Variants in SPATA21 observed in about 807,000 individuals in gnomAD.
SPATA21 encodes the protein spermatogenesis associated 21, also known as spermatogenesis-associated protein 21.
Under a neutral mutation model 54.8 loss-of-function variants are expected in SPATA21, and 47 were observed. The observed-to-expected ratio is 0.86, with a 90% CI of 0.68 to 1.09. The LOEUF (loss-of-function observed/expected upper bound fraction) is 1.09. Among genes scored for constraint, SPATA21 ranks in the 50% least tolerant of loss-of-function variants. The pLI, the probability that SPATA21 is intolerant of heterozygous loss-of-function variation, is 0.00. For missense variants in SPATA21, 599 were observed against 596.4 expected (o/e 1.00, Z -0.05); for synonymous variants, 245 against 235.3 (o/e 1.04, Z -0.38).
Position 16,428,514 on chromosome 1 carries a change from C to T in SPATA21, c.34+2824G>A, listed in dbSNP as rs562235520. ...AAGCGATTCTTGTGCCTCAGCTTCCCGAGTAGGTGGGATTACAGGTGTGCG... is the reference window on the plus strand; with the variant it reads ...AAGCGATTCTTGTGCCTCAGCTTCCTGAGTAGGTGGGATTACAGGTGTGCG... On this transcript the variant is annotated intron_variant, in intron 3 of 12. Coordinates refer to ENST00000335496, the MANE Select transcript of SPATA21 (RefSeq NM_198546.1). This position sits in a 1 kb window ranked among gnomAD's most constrained non-coding sequence, Gnocchi z 4.3. Among the ~76,000 whole-genome samples, 2 of 152,234 alleles carry T rather than the reference C, an allele frequency of 1.3e-5. No homozygotes were observed. The highest frequency in any genetic ancestry group is 6.5e-5 in the Admixed American group (1 of 15,292).
In SPATA21 at chr1:16,409,026, TG is replaced by T; in HGVS notation, c.673+91del. The T allele has an allele frequency of 7.2e-7, 1 of 1,380,860 alleles. No homozygotes were observed. The highest frequency in any genetic ancestry group is 1.0e-6 in the Non-Finnish European group (1 of 980,362). The allele number at this position is 1,380,860 out of a possible 1,614,324, so 85.5% of individuals were successfully genotyped here. On this transcript the variant is annotated intron_variant, in intron 7 of 12. Transcript: ENST00000335496. This position sits in a 1 kb window ranked among gnomAD's most constrained non-coding sequence, Gnocchi z 4.1. Reference sequence around the variant, plus strand: ...TACACATGGCGGCAGCCATGTGATCTGGAAAGCACCCCAGTCCGCCCTGCGC... The same window carrying T: ...TACACATGGCGGCAGCCATGTGATCTGAAAGCACCCCAGTCCGCCCTGCGC...
chr1:16,422,046 G>A (rs1296802749), intron 3 of SPATA21, 75 bp from the exon 4 acceptor site: 40 of 1,611,696 alleles, frequency 2.5e-5, no homozygotes, highest in Non-Finnish European at 2.7e-5. Context: ...GGGCTCTGGC[G>A]GAGCCTCCTG....
At chr1:16,434,271 G>T (rs1016505478) in intron 1 of SPATA21, among the ~76,000 whole-genome samples, 1 of 151,108 alleles carries the variant, frequency 6.6e-6, no homozygotes, top group African/African-American at 2.4e-5. Flanking sequence ...AGAAATTGAG[G>T]TTGTTTCTTT....
At position 16,409,582 on chromosome 1, in the gene SPATA21, G is replaced by A; in HGVS notation, c.587+19C>T. On this transcript the variant is annotated intron_variant, in intron 6 of 12. Transcript: ENST00000335496. The surrounding 1 kb of genome is among the most constrained non-coding windows in gnomAD (Gnocchi z 4.1). ...TGGGGCCTTTCAGGAGCGGGCGGGT[G>A]AGCAGCGGGGGCTCCTACCGCGCCT... is the stretch of plus-strand genomic sequence containing the variant. 1 of 1,601,188 alleles carries A rather than the reference G, an allele frequency of 6.2e-7. No individual in the cohort carries two copies. Among genetic ancestry groups the A allele is most frequent in the Non-Finnish European group, 8.5e-7 (1 of 1,175,660 alleles).
intron 10 of SPATA21, among the ~76,000 whole-genome samples, chr1:16,402,437 A>AT (rs1479460798): frequency 6.7e-6 from 1 of 148,676 alleles, no homozygotes; most frequent in Non-Finnish European, 1.5e-5. Context: ...AATTTTTTGT[A>AT]TTTTCAGTAG....
chr1:16,427,744 G>A (rs1293625702), intron 3 of SPATA21: 2 of 1,061,868 alleles, frequency 1.9e-6, no homozygotes, highest in Non-Finnish European at 2.6e-6. Flanking sequence ...AGAAGGACAA[G>A]GTGCTGTCGT....
At chr1:16,430,114 C>CAAAAAA (rs1226598581) in intron 3 of SPATA21, among the ~76,000 whole-genome samples, 3 of 53,170 alleles carry the variant, frequency 5.6e-5, no homozygotes, top group African/African-American at 8.2e-5. Context: ...GACTCTATCT[C>CAAAAAA]AAAAAAAAAA....
chr1:16,433,794 A>G (rs2086519299), intron 1 of SPATA21, among the ~76,000 whole-genome samples: 1 of 152,208 alleles, frequency 6.6e-6, no homozygotes, highest in Non-Finnish European at 1.5e-5. Context: ...GTTGACAAAT[A>G]TCGACTATGT....
Position 16,428,056 on chromosome 1 carries a change from T to C in SPATA21, c.34+3282A>G, listed in dbSNP as rs999469998. On this transcript the variant is annotated intron_variant, in intron 3 of 12. Coordinates refer to ENST00000335496, the MANE Select transcript of SPATA21 (RefSeq NM_198546.1). The surrounding 1 kb of genome is among the most constrained non-coding windows in gnomAD (Gnocchi z 4.3). ...CATGGCAGTGGCTTGAGGGCTGGCA[T>C]TGAGTACCCGTTCTGGAGTGATCCC... 5 of 1,530,764 alleles carry C rather than the reference T, an allele frequency of 3.3e-6. No individual in the cohort carries two copies. The East Asian group carries it at 1.0e-4, about 31-fold the overall frequency. The allele number at this position is 1,530,764 out of a possible 1,614,324, so 94.8% of individuals were successfully genotyped here. A position where few individuals can be genotyped will look rare whatever the true frequency, so the allele number is the denominator to read the frequency against.
chr1:16,425,486 G>T, intron 3 of SPATA21: 5 of 1,540,510 alleles, frequency 3.2e-6, no homozygotes, highest in Non-Finnish European at 4.4e-6. Flanking sequence ...TCTGTGGTAG[G>T]TCATTCCATA....
chr1:16,425,668 C>G (rs2086299725), intron 3 of SPATA21: 3 of 1,550,390 alleles, frequency 1.9e-6, no homozygotes, highest in Non-Finnish European at 2.6e-6. Context: ...CCAGCTCACT[C>G]TGATCCTGGC....
At chr1:16,410,129 T>C in intron 5 of SPATA21, 86 bp from the exon 6 acceptor site, 1 of 1,112,960 alleles carries the variant, frequency 9.0e-7, no homozygotes, top group Non-Finnish European at 1.3e-6. Flanking sequence ...TCTCCAGAGA[T>C]CCTCAGACTG....
intron 11 of SPATA21, among the ~76,000 whole-genome samples, chr1:16,400,170 G>C (rs1483411408): frequency 6.6e-6 from 1 of 151,910 alleles, no homozygotes; most frequent in Admixed American, 6.6e-5. Flanking sequence ...GGGATTACCG[G>C]TGCTCGCCAC....
chr1:16,429,360 G>C (rs2086400699), intron 3 of SPATA21, among the ~76,000 whole-genome samples: 1 of 151,436 alleles, frequency 6.6e-6, no homozygotes, highest in Non-Finnish European at 1.5e-5. Context: ...TTTAACTCCT[G>C]GGATCAAGCA....
Position 16,405,053 on chromosome 1 carries a change from T to C in SPATA21, c.725A>G (p.Gln242Arg). 1 of 1,610,320 alleles carries C rather than the reference T, an allele frequency of 6.2e-7. No homozygotes were observed. The highest frequency in any genetic ancestry group is 2.2e-5 in the East Asian group (1 of 44,636). Residue 242 changes from glutamine (Q) to arginine (R), a missense_variant, in exon 8 of 13, where the codon CAG becomes CGG. Transcript: ENST00000335496. ...TAGGAGCAGGATATTCTTCAGGCTC[T>C]GTGCATCCACCTCACCAGGACCATT... ...IFNGPGEVDA[Q>R]SLKNILLLMG...
rs753058028 is a variant in SPATA21, at chr1:16,409,975, C to A, written c.213G>T (p.Val71=). Residue 71 remains valine (V), a synonymous_variant, in exon 6 of 13, where the codon GTG becomes GTT. Transcript: ENST00000335496. This position sits in a 1 kb window ranked among gnomAD's most constrained non-coding sequence, Gnocchi z 4.1. The stretch of plus-strand genomic sequence containing the variant: ...TCCCGAGGCTCTGTGTCCCTGCAGC[C>A]ACCGCGGGCTTCTGAGGCTGCTGCT... ...RAQQQPQKPA[V]AAGTQSLGNF... is the part of the protein sequence containing the mutation. 8 of 1,608,414 alleles carry A rather than the reference C, an allele frequency of 5.0e-6. No homozygotes were observed. The African/African-American group carries it at 1.1e-4, about 22-fold the overall frequency.
intron 1 of SPATA21, among the ~76,000 whole-genome samples, chr1:16,434,117 G>A (rs2086527722): frequency 1.3e-5 from 2 of 152,040 alleles, no homozygotes; most frequent in Admixed American, 1.3e-4. Context: ...TATGGTCCTT[G>A]GTGAGTAGCT....
intron 5 of SPATA21, among the ~76,000 whole-genome samples, chr1:16,412,090 G>A (rs912937121): frequency 6.6e-6 from 1 of 152,100 alleles, no homozygotes; most frequent in Non-Finnish European, 1.5e-5. Context: ...CTCACTGGCT[G>A]CTCTGCCCCT....
At chr1:16,426,490 C>T (rs1330264345) in intron 3 of SPATA21, among the ~76,000 whole-genome samples, 1 of 148,414 alleles carries the variant, frequency 6.7e-6, no homozygotes, top group Admixed American at 6.8e-5. Context: ...AACTCCTGGG[C>T]TTAAGTGATC....
Sources: gnomAD v4.1 joint callset for allele counts (sites outside exome capture counted in the v4.1 genomes callset) on GRCh38, gnomAD v4.1.1 for gene constraint, Gnocchi (gnomAD v3.1) non-coding constraint, MANE v1.5 for transcripts, NCBI Gene and HGNC (gene_info 2026-07-23, HGNC 2026-07-21) for gene names.